Variants in NTNG2 observed in about 807,000 individuals in gnomAD.
NTNG2 encodes netrin G2.
Under a neutral mutation model 47.6 loss-of-function variants are expected in NTNG2, and 15 were observed. That is an observed-to-expected ratio of 0.32 (90% CI 0.21 to 0.49). The LOEUF (loss-of-function observed/expected upper bound fraction) is 0.49. Ranked by LOEUF, NTNG2 falls within the 20% of genes least tolerant of loss-of-function variation. The pLI is 0.99. For missense variants in NTNG2, 578 were observed against 764.6 expected (o/e 0.76, Z 2.88); for synonymous variants, 307 against 324.6 (o/e 0.95, Z 0.58).
chr9:132,196,521 T>C (rs1004083507), intron 2 of NTNG2, among the ~76,000 whole-genome samples: 2 of 152,204 alleles, frequency 1.3e-5, no homozygotes, highest in Non-Finnish European at 2.9e-5. Flanking sequence ...TCATTCATAA[T>C]GGCATGCATC....
chr9:132,186,548 A>C (rs1379973392), intron 2 of NTNG2, among the ~76,000 whole-genome samples: 1 of 152,146 alleles, frequency 6.6e-6, no homozygotes, highest in Non-Finnish European at 1.5e-5. Context: ...GGGTGCCCAC[A>C]CCAGGCCTGG....
In NTNG2 at chr9:132,163,856, G is replaced by GC. The variant is rs1347100453; in HGVS notation, c.-484+1623dup. Among the ~76,000 whole-genome samples, 1 of 152,238 alleles carries GC rather than the reference G, an allele frequency of 6.6e-6. No homozygotes were observed. Among genetic ancestry groups the GC allele is most frequent in the Admixed American group, 6.5e-5 (1 of 15,292 alleles). On this transcript the variant is annotated intron_variant, in intron 1 of 7. Coordinates refer to ENST00000393229, the MANE Select transcript of NTNG2 (RefSeq NM_032536.4). This position sits in a 1 kb window ranked among gnomAD's most constrained non-coding sequence, Gnocchi z 7.2. ...TCGAGTTTTAATACCCTGGCTATCAGCCCCCCTTGGTTCCTGAGGACTCTT... is the reference window on the plus strand; with the variant it reads ...TCGAGTTTTAATACCCTGGCTATCAGCCCCCCCTTGGTTCCTGAGGACTCTT...
chr9:132,209,086 G>A (rs1839390857), intron 3 of NTNG2, among the ~76,000 whole-genome samples: 1 of 152,260 alleles, frequency 6.6e-6, no homozygotes, highest in Non-Finnish European at 1.5e-5. Context: ...ATTCTCCGTG[G>A]AAGGACGTTT....
intron 3 of NTNG2, among the ~76,000 whole-genome samples, chr9:132,220,216 G>A (rs1385406213): frequency 6.6e-6 from 1 of 152,098 alleles, no homozygotes; most frequent in Non-Finnish European, 1.5e-5. Flanking sequence ...AGTTATAAGT[G>A]TTCATTAGAT....
chr9:132,193,135 G>A (rs1299384455), intron 2 of NTNG2, among the ~76,000 whole-genome samples: 1 of 152,234 alleles, frequency 6.6e-6, no homozygotes, highest in Admixed American at 6.5e-5. Flanking sequence ...AGTAAGGCAG[G>A]AAGATGAAGA....
chr9:132,196,551 G>A (rs1293378186), intron 2 of NTNG2, among the ~76,000 whole-genome samples: 1 of 152,172 alleles, frequency 6.6e-6, no homozygotes, highest in African/African-American at 2.4e-5. Context: ...AGTATTATAC[G>A]GCATAGCCTC....
chr9:132,180,517 G>A lies in NTNG2; in HGVS notation c.213+13473G>A, dbSNP rs943405968. On this transcript the variant is annotated intron_variant, in intron 2 of 7. Coordinates refer to ENST00000393229, the MANE Select transcript of NTNG2 (RefSeq NM_032536.4). The surrounding 1 kb of genome is among the most constrained non-coding windows in gnomAD (Gnocchi z 4.2). ...AGTTCTGGGGCTGGCACCGTCCTGG[G>A]GCTCAGCTCCTAGGGACGGGGCTCC... Among the ~76,000 whole-genome samples the A allele has an allele frequency of 6.6e-6, 1 of 152,228 alleles. No homozygotes were observed. The highest frequency in any genetic ancestry group is 1.5e-5 in the Non-Finnish European group (1 of 68,044).
At position 132,241,901 on chromosome 9, in the gene NTNG2, G is replaced by A; in HGVS notation, c.1383G>A (p.Leu461=). 2 of 1,578,128 alleles carry A rather than the reference G, an allele frequency of 1.3e-6. No individual in the cohort carries two copies. The highest frequency in any genetic ancestry group is 1.7e-6 in the Non-Finnish European group (2 of 1,168,624). ...CCAACGTGTGCGACGACGACCAGCT[G>A]CTGTGCCAGAACGGAGGCACCTGCC... ...CYPNVCDDDQ[L]LCQNGGTCLQ... is the part of the protein sequence containing the mutation. Residue 461 remains leucine (L), a synonymous_variant, in exon 8 of 8, where the codon CTG becomes CTA. Coordinates refer to ENST00000393229, the MANE Select transcript of NTNG2 (RefSeq NM_032536.4).
chr9:132,162,064 A>ACGGCGGCGGCGG lies in NTNG2; in HGVS notation c.-651_-640dup, dbSNP rs568463296. ...CGGAGGGCTCCCTGGCCCCGATCTG[A>ACGGCGGCGGCGG]CGGCGGCGGCGGCGGCGGCCACAGC... On this transcript the variant is annotated 5_prime_UTR_variant, in exon 1 of 8. Coordinates refer to ENST00000393229, the MANE Select transcript of NTNG2 (RefSeq NM_032536.4). The surrounding 1 kb of genome is among the most constrained non-coding windows in gnomAD (Gnocchi z 4.6). 2.7e-5 allele frequency: 4 copies of ACGGCGGCGGCGG among 149,794 alleles called. 1 individual carries two copies. Among genetic ancestry groups the ACGGCGGCGGCGG allele is most frequent in the Non-Finnish European group, 5.9e-5 (4 of 67,518 alleles). 9.3% of individuals were successfully genotyped at this position (149,794 alleles called of 1,614,324 possible). A position where few individuals can be genotyped will look rare whatever the true frequency, so the allele number is the denominator to read the frequency against.
chr9:132,213,041 G>A lies in NTNG2; in HGVS notation c.858-13808G>A, dbSNP rs74311545. Among the ~76,000 whole-genome samples the A allele has an allele frequency of 7.2e-4, 110 of 152,224 alleles. 1 individual carries two copies. In the East Asian group the frequency reaches 0.015, roughly 21 times the overall value. On this transcript the variant is annotated intron_variant, in intron 3 of 7. Coordinates refer to ENST00000393229, the MANE Select transcript of NTNG2 (RefSeq NM_032536.4). The stretch of plus-strand genomic sequence containing the variant: ...ATGTAGAAAAGAAGGACTTGAGGCC[G>A]GGCACAATGGCTCATGCCTGTAACC...
intron 2 of NTNG2, among the ~76,000 whole-genome samples, chr9:132,184,645 C>T (rs918762458): frequency 3.3e-5 from 5 of 152,206 alleles, no homozygotes; most frequent in Non-Finnish European, 7.3e-5. Context: ...GGCCAGAAGC[C>T]GGACATGGTG....
chr9:132,240,319 ACACCCTGG>A (rs1207849183), intron 6 of NTNG2, among the ~76,000 whole-genome samples: 2 of 152,136 alleles, frequency 1.3e-5, no homozygotes, highest in Non-Finnish European at 2.9e-5. Context: ...AGAGGTGCCC[ACACCCTGG>A]CACCCTCCTC....
Position 132,227,027 on chromosome 9 carries a change from T to C in NTNG2, c.1030+6T>C. On this transcript the variant is annotated splice_donor_region_variant and intron_variant, in intron 4 of 7. Transcript: ENST00000393229. Reference sequence around the variant, plus strand: ...CCATGGCTCTCCCAACGCCTGTACGTGCCATGCCCCGGGGCCACGAGCCCA... The same window carrying C: ...CCATGGCTCTCCCAACGCCTGTACGCGCCATGCCCCGGGGCCACGAGCCCA... The C allele has an allele frequency of 6.3e-7, 1 of 1,590,600 alleles. No homozygotes were observed. Among genetic ancestry groups the C allele is most frequent in the Non-Finnish European group, 8.6e-7 (1 of 1,168,854 alleles).
rs1453611454 is a variant in NTNG2, at chr9:132,162,161, AGG to A, written c.-557_-556del. Reference sequence around the variant, plus strand: ...CGCGCCCCCACCCAGCGCCAGCCCGAGGGGGGAGGCGCAGCGCCGGAGGGTGG... The same window carrying A: ...CGCGCCCCCACCCAGCGCCAGCCCGAGGGGAGGCGCAGCGCCGGAGGGTGG... On this transcript the variant is annotated 5_prime_UTR_variant, in exon 1 of 8. Transcript: ENST00000393229. This position sits in a 1 kb window ranked among gnomAD's most constrained non-coding sequence, Gnocchi z 4.6. The A allele has an allele frequency of 1.3e-5, 2 of 151,760 alleles. No individual in the cohort carries two copies. Among genetic ancestry groups the A allele is most frequent in the African/African-American group, 4.9e-5 (2 of 41,144 alleles). The allele number at this position is 151,760 out of a possible 1,614,324, so 9.4% of individuals were successfully genotyped here.
chr9:132,236,509 T>C lies in NTNG2; in HGVS notation c.1055-2595T>C, dbSNP rs552747678. On this transcript the variant is annotated intron_variant, in intron 5 of 7. Transcript: ENST00000393229. This position sits in a 1 kb window ranked among gnomAD's most constrained non-coding sequence, Gnocchi z 4.3. ...GGTGAGCTGTTCCTTCCAGCTCACA[T>C]GTTCAAATTTCCTCCAGCCCCAGCT... Among the ~76,000 whole-genome samples the C allele has an allele frequency of 8.5e-5, 13 of 152,172 alleles. No homozygotes were observed. Among genetic ancestry groups the C allele is most frequent in the African/African-American group, 3.1e-4 (13 of 41,450 alleles).
chr9:132,226,951 G>C lies in NTNG2; in HGVS notation c.960G>C (p.Lys320Asn). 6.2e-7 allele frequency: 1 copy of C among 1,612,794 alleles called. No homozygotes were observed. The highest frequency in any genetic ancestry group is 8.5e-7 in the Non-Finnish European group (1 of 1,179,832). Residue 320 changes from lysine (K) to asparagine (N), a missense_variant, in exon 4 of 8, where the codon AAG becomes AAC. Physicochemically the swap from Lys to Asn is moderately conservative, Grantham distance 94 (BLOSUM62 0). Coordinates refer to ENST00000393229, the MANE Select transcript of NTNG2 (RefSeq NM_032536.4). The surrounding 1 kb of genome is among the most constrained non-coding windows in gnomAD (Gnocchi z 4.8). The stretch of plus-strand genomic sequence containing the variant: ...CCGGCCCCGACTGCGGCAAGTGCAA[G>C]AAGAATTTCCGCACCCGGTCCTGGC... The part of the protein sequence containing the change: ...NTTGPDCGKC[K>N]KNFRTRSWRA...
chr9:132,221,257 G>C lies in NTNG2; in HGVS notation c.858-5592G>C, dbSNP rs554619720. Among the ~76,000 whole-genome samples, 1 of 152,310 alleles carries C rather than the reference G, an allele frequency of 6.6e-6. No individual in the cohort carries two copies. Among genetic ancestry groups the C allele is most frequent in the Admixed American group, 6.5e-5 (1 of 15,300 alleles). On this transcript the variant is annotated intron_variant, in intron 3 of 7. Transcript: ENST00000393229. This position sits in a 1 kb window ranked among gnomAD's most constrained non-coding sequence, Gnocchi z 4.2. ...TAGTACATTCCAGGCAGAGGGAACA[G>C]CATGTGCAAAGGCCCAGAGAAAAGC... is the stretch of plus-strand genomic sequence containing the variant.
At chr9:132,190,368 T>C (rs1391149348) in intron 2 of NTNG2, among the ~76,000 whole-genome samples, 2 of 150,330 alleles carry the variant, frequency 1.3e-5, no homozygotes, top group Non-Finnish European at 3.0e-5. Flanking sequence ...AGCCAGTGCA[T>C]CCCTCCACAA....
chr9:132,228,619 G>A (rs968662382), intron 4 of NTNG2, among the ~76,000 whole-genome samples: 16 of 150,924 alleles, frequency 1.1e-4, no homozygotes, highest in African/African-American at 2.4e-4. Context: ...GTGCAGTGGC[G>A]CAGTCATGGC....
Sources: gnomAD v4.1 joint callset for allele counts (sites outside exome capture counted in the v4.1 genomes callset) on GRCh38, gnomAD v4.1.1 for gene constraint, Gnocchi (gnomAD v3.1) non-coding constraint, MANE v1.5 for transcripts, NCBI Gene and HGNC (gene_info 2026-07-23, HGNC 2026-07-21) for gene names.